NR3C2: variants seen among roughly 807,000 people sequenced by gnomAD.
The protein encoded by NR3C2 is nuclear receptor subfamily 3 group C member 2, also known as mineralocorticoid receptor.
A neutral mutation model predicts 86.4 loss-of-function variants in NR3C2; 15 were observed. That is an observed-to-expected ratio of 0.17 (90% CI 0.12 to 0.27). The LOEUF is 0.27. NR3C2 is among the 10% of genes least tolerant of loss of function. NR3C2 has a pLI of 1.00. For missense variants in NR3C2, 960 were observed against 1,195.6 expected (o/e 0.80, Z 2.91); for synonymous variants, 458 against 450.5 (o/e 1.02, Z -0.21).
At chr4:148,197,060 T>C (rs1211266226) in intron 3 of NR3C2, among the ~76,000 whole-genome samples, 1 of 152,238 alleles carries the variant, frequency 6.6e-6, no homozygotes, top group Admixed American at 6.5e-5. Flanking sequence ...ATAAAGTGAC[T>C]TCCCAAAAAG....
chr4:148,394,517 TCA>T (rs1491211190), intron 2 of NR3C2, among the ~76,000 whole-genome samples: 1 of 105,198 alleles, frequency 9.5e-6, no homozygotes, highest in Non-Finnish European at 1.9e-5. Context: ...CCAACTCTAC[TCA>T]AAAAAAAAAA....
At chr4:148,086,792 G>C (rs1317600513) in intron 8 of NR3C2, among the ~76,000 whole-genome samples, 1 of 152,084 alleles carries the variant, frequency 6.6e-6, no homozygotes, top group East Asian at 1.9e-4. Context: ...TCTCAAAATA[G>C]CTATTTCTGC....
chr4:148,355,282 A>G (rs1184136024), intron 2 of NR3C2, among the ~76,000 whole-genome samples: 1 of 152,172 alleles, frequency 6.6e-6, no homozygotes, highest in East Asian at 1.9e-4. Flanking sequence ...TACAGCACAC[A>G]CCGTTAAGTT....
chr4:148,330,499 C>T (rs1744176206), intron 2 of NR3C2, among the ~76,000 whole-genome samples: 1 of 149,678 alleles, frequency 6.7e-6, no homozygotes, highest in Non-Finnish European at 1.5e-5. Flanking sequence ...AGGGGCAACC[C>T]AATTTAGACA....
At position 148,138,853 on chromosome 4, in the gene NR3C2, AT is replaced by A. The variant is rs1253889783; in HGVS notation, c.2510+13615del. ...TAGGTCATGCTGCCCTCATGGATGGATTCATGTTCTGATAGGAGTGGGTTAT... is the reference window on the plus strand; with the variant it reads ...TAGGTCATGCTGCCCTCATGGATGGATCATGTTCTGATAGGAGTGGGTTAT... On this transcript the variant is annotated intron_variant, in intron 6 of 8. Transcript: ENST00000358102. 5.9e-5 allele frequency among the ~76,000 whole-genome samples: 9 copies of A among 152,294 alleles called. 1 individual carries two copies. The highest frequency in any genetic ancestry group is 2.2e-4 in the African/African-American group (9 of 41,562).
intron 4 of NR3C2, among the ~76,000 whole-genome samples, chr4:148,179,320 A>C (rs1030041594): frequency 2.6e-5 from 4 of 151,662 alleles, no homozygotes; most frequent in African/African-American, 9.7e-5. Flanking sequence ...TCCTATGCCC[A>C]AAAAGTCTGA....
At chr4:148,126,855 C>T (rs759898753) in intron 6 of NR3C2, among the ~76,000 whole-genome samples, 1 of 152,180 alleles carries the variant, frequency 6.6e-6, no homozygotes, top group Non-Finnish European at 1.5e-5. Flanking sequence ...AGGAATTATT[C>T]TCATATTCAT....
chr4:148,381,836 T>A (rs1318110102), intron 2 of NR3C2, among the ~76,000 whole-genome samples: 2 of 152,188 alleles, frequency 1.3e-5, no homozygotes, highest in East Asian at 3.9e-4. Context: ...TGTGTGTATT[T>A]TTCAGATGTT....
chr4:148,163,620 T>C (rs1273610039), intron 4 of NR3C2, among the ~76,000 whole-genome samples: 2 of 145,504 alleles, frequency 1.4e-5, no homozygotes, highest in East Asian at 4.2e-4. Flanking sequence ...TTGAAAGTAG[T>C]TTTACCATTA....
chr4:148,153,677 G>GTGATGTTTCTGTAGATTAAGAGGGGCC (rs1384456496), intron 5 of NR3C2, among the ~76,000 whole-genome samples: 2 of 152,138 alleles, frequency 1.3e-5, no homozygotes, highest in African/African-American at 4.8e-5. Context: ...CAATTTCTAA[G>GTGATGTTTCTGTAGATTAAGAGGGGCC]TGATGTTTCT....
chr4:148,247,463 T>C (rs1351292883), intron 3 of NR3C2, among the ~76,000 whole-genome samples: 1 of 152,140 alleles, frequency 6.6e-6, no homozygotes, highest in Non-Finnish European at 1.5e-5. Flanking sequence ...CTGCTTCTAT[T>C]TGACTTTTGT....
At chr4:148,278,380 G>T (rs1028945902) in intron 2 of NR3C2, among the ~76,000 whole-genome samples, 21 of 152,224 alleles carry the variant, frequency 1.4e-4, no homozygotes, top group Admixed American at 7.2e-4. Context: ...GATTACAGGT[G>T]TGAGCCACTA....
intron 8 of NR3C2, among the ~76,000 whole-genome samples, chr4:148,087,683 C>T (rs753167990): frequency 1.1e-4 from 16 of 152,052 alleles, no homozygotes; most frequent in Non-Finnish European, 1.6e-4. Flanking sequence ...GAAACTGGAC[C>T]CCTTCCTTAT....
At chr4:148,238,528 C>T (rs1243115843) in intron 3 of NR3C2, among the ~76,000 whole-genome samples, 1 of 152,096 alleles carries the variant, frequency 6.6e-6, no homozygotes, top group Admixed American at 6.6e-5. Context: ...TTACAGTGCA[C>T]CACAGAGACC....
intron 2 of NR3C2, among the ~76,000 whole-genome samples, chr4:148,316,553 T>C (rs1195267254): frequency 6.6e-6 from 1 of 152,184 alleles, no homozygotes; most frequent in Non-Finnish European, 1.5e-5. Flanking sequence ...TGTGAACATT[T>C]TGAGAAATAA....
At chr4:148,135,994 T>G (rs537375100) in intron 6 of NR3C2, among the ~76,000 whole-genome samples, 3 of 112,068 alleles carry the variant, frequency 2.7e-5, no homozygotes, top group Non-Finnish European at 5.6e-5. Flanking sequence ...GAGGCGGAGC[T>G]TGCAGTGAGC....
intron 2 of NR3C2, among the ~76,000 whole-genome samples, chr4:148,424,479 G>A (rs894644208): frequency 3.4e-4 from 52 of 152,262 alleles, no homozygotes; most frequent in African/African-American, 1.1e-3. Flanking sequence ...GCAGATATTT[G>A]TATGTAAATA....
intron 2 of NR3C2, among the ~76,000 whole-genome samples, chr4:148,331,227 T>C (rs1423620326): frequency 6.6e-6 from 1 of 152,178 alleles, no homozygotes; most frequent in Non-Finnish European, 1.5e-5. Flanking sequence ...GTAAAAGTTA[T>C]ACCTAGAAAT....
chr4:148,258,220 T>C (rs1739921369), intron 3 of NR3C2, among the ~76,000 whole-genome samples: 1 of 152,220 alleles, frequency 6.6e-6, no homozygotes, highest in African/African-American at 2.4e-5. Flanking sequence ...TTACTTTGTT[T>C]ACTAATTAAG....
Sources: allele counts gnomAD v4.1 joint callset (sites outside exome capture counted in the v4.1 genomes callset), GRCh38; gene constraint gnomAD v4.1.1; transcripts MANE v1.5; gene names NCBI Gene and HGNC (gene_info 2026-07-23, HGNC 2026-07-21).